The following MMRN1 variants were observed in gnomAD, a reference collection of about 807,000 sequenced individuals.
The protein encoded by MMRN1 is multimerin-1.
A neutral mutation model predicts 100.7 loss-of-function variants in MMRN1; 94 were observed. The ratio of observed to expected loss-of-function variants is 0.93; its 90% CI spans 0.79 to 1.11. The LOEUF (loss-of-function observed/expected upper bound fraction) is 1.11. Among genes scored for constraint, MMRN1 ranks in the 50% least tolerant of loss-of-function variants. The probability of loss-of-function intolerance (pLI) is 0.00; values close to 1 mark genes in which losing one functional copy is unlikely to be tolerated. For synonymous variants in MMRN1, 575 were observed against 505.0 expected (o/e 1.14, Z -1.86); for missense variants, 1,606 against 1,439.1 (o/e 1.12, Z -1.88).
At chr4:89,898,542 G>A (rs576695974) in intron 1 of MMRN1, among the ~76,000 whole-genome samples, 132 of 151,856 alleles carry the variant, frequency 8.7e-4, no homozygotes, top group African/African-American at 3.0e-3. Context: ...GTTGCCTCCA[G>A]AATACAATCT....
intron 5 of MMRN1, among the ~76,000 whole-genome samples, chr4:89,933,892 T>A (rs1251311350): frequency 6.6e-6 from 1 of 152,234 alleles, no homozygotes; most frequent in Non-Finnish European, 1.5e-5. Flanking sequence ...ATATTATAAA[T>A]ATATCTCTAG....
chr4:89,880,351 A>G (rs1720791467), intron 1 of MMRN1, among the ~76,000 whole-genome samples: 2 of 152,182 alleles, frequency 1.3e-5, no homozygotes, highest in Admixed American at 1.3e-4. Flanking sequence ...ATTAAAAAAG[A>G]TATTATAGCT....
upstream of MMRN1, among the ~76,000 whole-genome samples, chr4:89,892,503 G>T (rs1721078146): frequency 6.6e-6 from 1 of 151,782 alleles, no homozygotes; most frequent in Non-Finnish European, 1.5e-5. Context: ...AGAAGAATTT[G>T]AGACAAGGTC....
At chr4:89,918,662 T>C (rs1269302337) in intron 3 of MMRN1, among the ~76,000 whole-genome samples, 1 of 151,902 alleles carries the variant, frequency 6.6e-6, no homozygotes, top group Admixed American at 6.6e-5. Flanking sequence ...CATTATACTT[T>C]CAGTCAGAAA....
chr4:89,944,363 C>T (rs890880433), intron 6 of MMRN1, among the ~76,000 whole-genome samples: 7 of 152,264 alleles, frequency 4.6e-5, no homozygotes, highest in South Asian at 4.1e-4. Flanking sequence ...TATCAATTTA[C>T]GCTCCCTTGA....
chr4:89,887,806 T>C (rs1456783949), intron 1 of MMRN1, among the ~76,000 whole-genome samples: 1 of 152,000 alleles, frequency 6.6e-6, no homozygotes, highest in African/African-American at 2.4e-5. Context: ...TTTGTGTTCC[T>C]CTGTCTTGAA....
In MMRN1 at chr4:89,884,399, A is replaced by T. The variant is rs562918945; in HGVS notation, c.-249+4797A>T. ...AATATCTTGTTGTTTACACTGCAAA[A>T]ATCTTGCAAAATTTTGTTTATTCCA... On this transcript the variant is annotated intron_variant, in intron 1 of 8. Transcript: ENST00000394980. 3.9e-5 allele frequency among the ~76,000 whole-genome samples: 6 copies of T among 152,156 alleles called. No homozygotes were observed. In the East Asian group the frequency reaches 1.2e-3, roughly 30 times the overall value.
intron 1 of MMRN1, among the ~76,000 whole-genome samples, chr4:89,901,215 T>C (rs1294623995): frequency 6.6e-6 from 1 of 151,496 alleles, no homozygotes; most frequent in Non-Finnish European, 1.5e-5. Flanking sequence ...GTTATTTATG[T>C]TTTGTGTTTG....
chr4:89,903,864 C>T (rs939811423), intron 1 of MMRN1, among the ~76,000 whole-genome samples: 1 of 149,638 alleles, frequency 6.7e-6, no homozygotes, highest in African/African-American at 2.5e-5. Context: ...TGCCCACTGC[C>T]CCCACCCCTC....
chr4:89,909,591 A>G (rs1193804707), intron 2 of MMRN1, among the ~76,000 whole-genome samples, 196 bp downstream of exon 2: 4 of 151,534 alleles, frequency 2.6e-5, no homozygotes, highest in African/African-American at 4.8e-5. Flanking sequence ...ATCATTTGAG[A>G]TAATGCAATA....
intron 5 of MMRN1, among the ~76,000 whole-genome samples, chr4:89,931,430 A>G (rs1347125790): frequency 6.6e-6 from 1 of 152,212 alleles, no homozygotes. Context: ...CATAGTAGCT[A>G]TAATTGATGG....
At chr4:89,923,109 GA>G in intron 3 of MMRN1, 58 bp from the exon 4 acceptor site, 1 of 1,373,920 alleles carries the variant, frequency 7.3e-7, no homozygotes, top group Non-Finnish European at 1.0e-6. Flanking sequence ...TTCAGGACTG[GA>G]AAAAATGAGG....
upstream of MMRN1, chr4:89,894,687 T>C (rs1398593294): frequency 3.7e-6 from 1 of 273,694 alleles, no homozygotes; most frequent in Non-Finnish European, 6.8e-6. Context: ...TGGGTTTTCC[T>C]GATAATAATT....
intron 6 of MMRN1, among the ~76,000 whole-genome samples, chr4:89,950,868 A>G (rs1393091630): frequency 6.6e-6 from 1 of 151,674 alleles, no homozygotes; most frequent in African/African-American, 2.4e-5. Flanking sequence ...CTCATTTTCC[A>G]TTTTTAAGGG....
chr4:89,894,030 T>C (rs1721114782), upstream of MMRN1, among the ~76,000 whole-genome samples: 1 of 152,144 alleles, frequency 6.6e-6, no homozygotes, highest in African/African-American at 2.4e-5. Context: ...CTACAGTAAA[T>C]GTATAAAAGC....
chr4:89,919,427 T>C (rs2110609335), intron 3 of MMRN1, among the ~76,000 whole-genome samples: 1 of 151,754 alleles, frequency 6.6e-6, no homozygotes, highest in East Asian at 1.9e-4. Flanking sequence ...TGATGAAAAA[T>C]GAGTCTAATA....
At position 89,895,427 on chromosome 4, in the gene MMRN1, A is replaced by G. The variant is rs1721168082; in HGVS notation, c.456A>G (p.Gln152=). ...LQSFARKSNE[Q]ATSLNTVGGT... is the part of the protein sequence containing the mutation. ...GCTTTGCCAGAAAGTCAAATGAACA[A>G]GCAACTTCTCTAAACACAGTTGGAG... Residue 152 remains glutamine, a synonymous_variant, in exon 1 of 8, where the codon CAA becomes CAG. Coordinates refer to ENST00000264790, the MANE Select transcript of MMRN1 (RefSeq NM_007351.3). 1 of 1,613,942 alleles carries G rather than the reference A, an allele frequency of 6.2e-7. No individual in the cohort carries two copies. Among genetic ancestry groups the G allele is most frequent in the Non-Finnish European group, 8.5e-7 (1 of 1,179,934 alleles).
chr4:89,897,977 G>C (rs1385711558), intron 1 of MMRN1, among the ~76,000 whole-genome samples: 1 of 152,126 alleles, frequency 6.6e-6, no homozygotes, highest in Non-Finnish European at 1.5e-5. Flanking sequence ...CTATAGAAAA[G>C]TACTAACTGC....
intron 3 of MMRN1, among the ~76,000 whole-genome samples, chr4:89,916,811 C>G (rs1721935615): frequency 6.6e-6 from 1 of 151,494 alleles, no homozygotes. Flanking sequence ...ACTGTCTATT[C>G]CCTTTTTTAA....
Sources: allele counts gnomAD v4.1 joint callset (sites outside exome capture counted in the v4.1 genomes callset), GRCh38; gene constraint gnomAD v4.1.1; transcripts MANE v1.5; gene names NCBI Gene and HGNC (gene_info 2026-07-23, HGNC 2026-07-21).